WDFY3: variants seen among roughly 807,000 people sequenced by gnomAD.
The protein encoded by WDFY3 is WD repeat and FYVE domain-containing protein 3.
In WDFY3, 66 loss-of-function variants were observed where a neutral mutation model predicts 409.6. The ratio of observed to expected loss-of-function variants is 0.16; its 90% CI spans 0.13 to 0.20. WDFY3 has a LOEUF of 0.20. WDFY3 is among the 10% of genes least tolerant of loss of function. The probability of loss-of-function intolerance (pLI) is 1.00; values close to 1 mark genes in which losing one functional copy is unlikely to be tolerated. For synonymous variants in WDFY3, 1,521 were observed against 1,537.1 expected, an observed-to-expected ratio of 0.99 and a Z score of 0.25; for missense variants, 3,031 against 4,298.1, an observed-to-expected ratio of 0.71 and a Z score of 8.24.
chr4:84,849,437 A>C (rs193022829), intron 5 of WDFY3, among the ~76,000 whole-genome samples: 18 of 152,290 alleles, frequency 1.2e-4, no homozygotes, highest in Non-Finnish European at 1.6e-4. Flanking sequence ...TGAAATGAGG[A>C]AAGATTCTCC....
In WDFY3 at chr4:84,733,616, G is replaced by A. The variant is rs1736966389; in HGVS notation, c.6994-7C>T. 2.1e-5 allele frequency: 34 copies of A among 1,605,224 alleles called. No homozygotes were observed. The highest frequency in any genetic ancestry group is 2.8e-5 in the Non-Finnish European group (33 of 1,175,036). ...TCAGGGCATTCTGCTGACGCTGACA[G>A]GAAAGAGTCCAGGTCGGTTTTCAAG... On this transcript the variant is annotated splice_polypyrimidine_tract_variant and splice_region_variant and intron_variant, in intron 43 of 67. Transcript: ENST00000295888.
intron 5 of WDFY3, among the ~76,000 whole-genome samples, chr4:84,846,153 A>T (rs1248791907): frequency 2.0e-5 from 3 of 152,162 alleles, no homozygotes; most frequent in Non-Finnish European, 4.4e-5. Flanking sequence ...GTAACACACA[A>T]AATAAATTGA....
intron 5 of WDFY3, among the ~76,000 whole-genome samples, chr4:84,849,210 T>C (rs1304386941): frequency 6.6e-6 from 1 of 152,084 alleles, no homozygotes; most frequent in Non-Finnish European, 1.5e-5. Context: ...AAATGGCAGC[T>C]GTGCACTGGC....
intron 17 of WDFY3, among the ~76,000 whole-genome samples, chr4:84,798,340 T>C (rs1749872440): frequency 6.6e-6 from 1 of 152,166 alleles, no homozygotes; most frequent in Non-Finnish European, 1.5e-5. Flanking sequence ...GTTGAGAATA[T>C]TATAATTCAT....
In WDFY3 at chr4:84,841,504, A is replaced by C. The variant is rs145592048; in HGVS notation, c.305-241T>G. ...GGAAAAGTTATGACAGGAGCTAATC[A>C]AAAAGTCATGAAAGAGGTGAAATTT... On this transcript the variant is annotated intron_variant, in intron 5 of 67. Coordinates refer to ENST00000295888, the MANE Select transcript of WDFY3 (RefSeq NM_014991.6). Among the ~76,000 whole-genome samples, 762 of 152,338 alleles carry C rather than the reference A, an allele frequency of 5.0e-3. 6 individuals are homozygous for C. The highest frequency in any genetic ancestry group is 5.3e-3 in the African/African-American group (221 of 41,578).
chr4:84,819,416 C>G (rs557984623), intron 12 of WDFY3, among the ~76,000 whole-genome samples: 26 of 152,148 alleles, frequency 1.7e-4, no homozygotes, highest in African/African-American at 6.0e-4. Flanking sequence ...GCCTAAAAAG[C>G]TCCCTATGAT....
At chr4:84,864,365 C>CAAAA (rs35016773) in intron 3 of WDFY3, among the ~76,000 whole-genome samples, 7 of 32,528 alleles carry the variant, frequency 2.2e-4, no homozygotes, top group Non-Finnish European at 2.7e-4. Flanking sequence ...GACTCCATCT[C>CAAAA]AAAAAAAAAA....
intron 56 of WDFY3, among the ~76,000 whole-genome samples, chr4:84,697,480 CAT>C (rs1730324253): frequency 1.3e-5 from 2 of 152,116 alleles, no homozygotes; most frequent in South Asian, 4.2e-4. Context: ...CAAAAAATAA[CAT>C]GTTGTGATAA....
rs1729502761 is a variant in WDFY3 at position 84,692,960 on chromosome 4, G to A, written c.8974C>T (p.Leu2992=). ...LNGDNAGISV[L]PGSTSDKIFF... ...ATCTTGTCACTTGTAGATCCTGGTA[G>A]GACAGAGATTCCTGCATTGTCTCCA... is the stretch of plus-strand genomic sequence containing the variant. Residue 2992 remains leucine, a synonymous_variant, in exon 59 of 68, where the codon CTA becomes TTA. Coordinates refer to ENST00000295888, the MANE Select transcript of WDFY3 (RefSeq NM_014991.6). 3 of 1,613,472 alleles carry A rather than the reference G, an allele frequency of 1.9e-6. No individual in the cohort carries two copies. The highest frequency in any genetic ancestry group is 3.3e-5 in the Admixed American group (2 of 59,834).
rs1560845083 is a variant in WDFY3 at position 84,821,226 on chromosome 4, C to T, written c.1449G>A (p.Met483Ile). The T allele has an allele frequency of 1.1e-5, 18 of 1,613,548 alleles. No individual in the cohort carries two copies. The highest frequency in any genetic ancestry group is 1.4e-5 in the Non-Finnish European group (17 of 1,179,804). Residue 483 changes from methionine to isoleucine, a missense_variant, in exon 11 of 68, where the codon ATG (methionine) becomes ATA (isoleucine). This residue lies in a region of WDFY3 where 1,322 missense variants were observed against 1,697.9 expected (regional missense o/e 0.78). Coordinates refer to ENST00000295888, the MANE Select transcript of WDFY3 (RefSeq NM_014991.6). Reference sequence around the variant, plus strand: ...GTCTTGTAAACTTAAGAAGTGTTTTCATTGCAATAATGCTACAGTGATAAG... The same window carrying T: ...GTCTTGTAAACTTAAGAAGTGTTTTTATTGCAATAATGCTACAGTGATAAG... ...SSSYHCSIIA[M>I]KTLLKFTRHD... is the part of the protein sequence containing the mutation.
At chr4:84,748,908 G>A (rs2149278879) in intron 36 of WDFY3, among the ~76,000 whole-genome samples, 1 of 151,036 alleles carries the variant, frequency 6.6e-6, no homozygotes, top group African/African-American at 2.4e-5. Context: ...TTGAGACAGG[G>A]TCTCACTCTG....
intron 8 of WDFY3, among the ~76,000 whole-genome samples, chr4:84,829,763 C>T (rs1397483871): frequency 2.0e-5 from 3 of 150,316 alleles, no homozygotes; most frequent in Admixed American, 1.3e-4. Context: ...GCCAAGATCA[C>T]GCCACTGCAC....
intron 40 of WDFY3, 72 bp from the exon 41 acceptor site, chr4:84,737,438 T>C: frequency 7.0e-7 from 1 of 1,436,036 alleles, no homozygotes; most frequent in East Asian, 2.4e-5. Flanking sequence ...TTAGTTTTTA[T>C]TTTTCTTCAT....
chr4:84,800,396 G>A lies in WDFY3; in HGVS notation c.2822+1254C>T, dbSNP rs1750299845. Among the ~76,000 whole-genome samples, 5 of 152,188 alleles carry A rather than the reference G, an allele frequency of 3.3e-5. No homozygotes were observed. In the South Asian group the frequency reaches 1.0e-3, roughly 32 times the overall value. ...GGTGGCTCAAAGCAGGAGGCTTCCT[G>A]GAGGAAATGACAGATATATATGAAT... On this transcript the variant is annotated intron_variant, in intron 17 of 67. Coordinates refer to ENST00000295888, the MANE Select transcript of WDFY3 (RefSeq NM_014991.6).
At chr4:84,909,852 A>C (rs1175813308) in intron 2 of WDFY3, among the ~76,000 whole-genome samples, 1 of 152,196 alleles carries the variant, frequency 6.6e-6, no homozygotes, top group African/African-American at 2.4e-5. Flanking sequence ...AGAAAGTTAC[A>C]ATATGAATTA....
At chr4:84,803,947 G>A (rs561859248) in intron 15 of WDFY3, 2 of 152,980 alleles carry the variant, frequency 1.3e-5, no homozygotes, top group African/African-American at 4.8e-5. Context: ...TGGGTCAGCT[G>A]AGTCAGGGTT....
At chr4:84,934,571 G>A (rs1771174391) in intron 1 of WDFY3, among the ~76,000 whole-genome samples, 1 of 152,100 alleles carries the variant, frequency 6.6e-6, no homozygotes, top group Non-Finnish European at 1.5e-5. Context: ...GTGCTGTTAG[G>A]AATTCAGGTG....
At chr4:84,821,040 G>A in intron 11 of WDFY3, 44 bp downstream of exon 11, 1 of 1,494,962 alleles carries the variant, frequency 6.7e-7, no homozygotes, top group Non-Finnish European at 9.0e-7. Context: ...TCTCTGTTTT[G>A]AACCCCTTTT....
In WDFY3 at chr4:84,914,218, A is replaced by G. The variant is rs202031473; in HGVS notation, c.-131-17208T>C. Reference sequence around the variant, plus strand: ...GGGCGGATCACAAGGTGAGGAGATCAAGACCAGCCTGGCCAACATAGTAAA... The same window carrying G: ...GGGCGGATCACAAGGTGAGGAGATCGAGACCAGCCTGGCCAACATAGTAAA... On this transcript the variant is annotated intron_variant, in intron 2 of 67. Coordinates refer to ENST00000295888, the MANE Select transcript of WDFY3 (RefSeq NM_014991.6). Among the ~76,000 whole-genome samples the G allele has an allele frequency of 7.2e-5, 11 of 152,140 alleles. No homozygotes were observed. The East Asian group carries it at 2.1e-3, about 30-fold the overall frequency.
Sources: gnomAD v4.1 joint callset for allele counts (sites outside exome capture counted in the v4.1 genomes callset) on GRCh38, gnomAD v4.1.1 for gene constraint, gnomAD v4.1.1 regional missense constraint, MANE v1.5 for transcripts, NCBI Gene and HGNC (gene_info 2026-07-23, HGNC 2026-07-21) for gene names.